ACADSB: variants seen among roughly 807,000 people sequenced by gnomAD.
ACADSB encodes acyl-CoA dehydrogenase short/branched chain, also known as short/branched chain specific acyl-CoA dehydrogenase, mitochondrial.
ACADSB carries 40 observed loss-of-function variants against 54.1 expected under a neutral mutation model. The ratio of observed to expected loss-of-function variants is 0.74; its 90% CI spans 0.57 to 0.96. The LOEUF (loss-of-function observed/expected upper bound fraction) is 0.96, where lower values mean the gene tolerates loss of function less well. Among genes scored for constraint, ACADSB ranks in the 40% least tolerant of loss-of-function variants. The pLI is 0.00. For missense variants in ACADSB, 530 were observed against 510.4 expected (o/e 1.04, Z -0.37); for synonymous variants, 182 against 182.8 (o/e 1.00, Z 0.03).
chr10:123,034,072 A>C (rs1850363406), intron 1 of ACADSB, among the ~76,000 whole-genome samples: 1 of 152,252 alleles, frequency 6.6e-6, no homozygotes, highest in Non-Finnish European at 1.5e-5. Context: ...GAAATGTGAA[A>C]TACATTGGAG....
Position 123,052,833 on chromosome 10 carries a change from A to G in ACADSB, c.1129-228A>G. 1 of 569,970 alleles carries G rather than the reference A, an allele frequency of 1.8e-6. No individual in the cohort carries two copies. Among genetic ancestry groups the G allele is most frequent in the Non-Finnish European group, 3.2e-6 (1 of 313,672 alleles). The allele number at this position is 569,970 out of a possible 1,614,324, so 35.3% of individuals were successfully genotyped here. A position where few individuals can be genotyped will look rare whatever the true frequency, so the allele number is the denominator to read the frequency against. On this transcript the variant is annotated intron_variant, in intron 9 of 10. Coordinates refer to ENST00000358776, the MANE Select transcript of ACADSB (RefSeq NM_001609.4). This position sits in a 1 kb window ranked among gnomAD's most constrained non-coding sequence, Gnocchi z 4.2. Reference sequence around the variant, plus strand: ...ATCTCTCAGCATGCAGATTCATGTGAACAATGCTCTAATTTCTTAAGAAAA... The same window carrying G: ...ATCTCTCAGCATGCAGATTCATGTGGACAATGCTCTAATTTCTTAAGAAAA...
rs148640214 is a variant in ACADSB at position 123,053,119 on chromosome 10, A to G, written c.1187A>G (p.Lys396Arg). The G allele has an allele frequency of 1.2e-6, 2 of 1,614,092 alleles. No individual in the cohort carries two copies. The highest frequency in any genetic ancestry group is 1.7e-6 in the Non-Finnish European group (2 of 1,179,962). Residue 396 changes from lysine to arginine, a missense_variant, in exon 10 of 11, where the codon AAA (lysine) becomes AGA (arginine). Lys to Arg is a conservative substitution (Grantham distance 26). Coordinates refer to ENST00000358776, the MANE Select transcript of ACADSB (RefSeq NM_001609.4). The stretch of plus-strand genomic sequence containing the variant: ...TGGATGGGGGGAGTAGGCTACACCA[A>G]AGATTACCCTGTGGAGAAATACTTC... ...IEWMGGVGYT[K>R]DYPVEKYFRD...
chr10:123,042,651 T>C (rs192041391), intron 5 of ACADSB, among the ~76,000 whole-genome samples: 3 of 152,064 alleles, frequency 2.0e-5, no homozygotes, highest in African/African-American at 7.2e-5. Flanking sequence ...TTTCACCATG[T>C]TGGCCAGGCT....
chr10:123,034,380 T>G lies in ACADSB; in HGVS notation c.67T>G (p.Leu23Val), dbSNP rs149562178. The change falls in exon 2 of 11, where the codon TTG (leucine) becomes GTG (valine). Residue 23 changes from leucine to valine, a missense_variant. Coordinates refer to ENST00000358776, the MANE Select transcript of ACADSB (RefSeq NM_001609.4). ...GCTAAGAAGAAATTTCCTGACTTGT[T>G]TGTCTTCTTGGAAGATTCCTCCTCA... is the stretch of plus-strand genomic sequence containing the variant. ...RLLRRNFLTC[L>V]SSWKIPPHVS... 8.2e-5 allele frequency: 133 copies of G among 1,613,920 alleles called. No homozygotes were observed. In the African/African-American group the frequency reaches 1.5e-3, roughly 18 times the overall value.
chr10:123,047,207 A>G lies in ACADSB; in HGVS notation c.901-2A>G. The G allele has an allele frequency of 6.3e-7, 1 of 1,599,812 alleles. No homozygotes were observed. Among genetic ancestry groups the G allele is most frequent in the Non-Finnish European group, 8.6e-7 (1 of 1,166,936 alleles). On this transcript the variant is annotated splice_acceptor_variant, in intron 7 of 10. Transcript: ENST00000358776. LOFTEE classifies it high-confidence loss of function. ...TCTGATCTTATTTTTTTGTTTTAACAGATGCTGGGACTGGCGCAAGGATGT... is the reference window on the plus strand; with the variant it reads ...TCTGATCTTATTTTTTTGTTTTAACGGATGCTGGGACTGGCGCAAGGATGT...
chr10:123,034,422 C>T lies in ACADSB; in HGVS notation c.109C>T (p.Gln37Ter). ...TCCTCCTCATGTCTCAAAATCTTCC[C>T]AGTCAGAAGCTCTACTCAATATAAC... ...KIPPHVSKSS[Q>*]SEALLNITNN... Residue 37 changes from glutamine (Q) to a stop codon, truncating the protein, a stop_gained, in exon 2 of 11, where the codon CAG becomes TAG. Coordinates refer to ENST00000358776, the MANE Select transcript of ACADSB (RefSeq NM_001609.4). LOFTEE classifies it high-confidence loss of function. 6.2e-7 allele frequency: 1 copy of T among 1,613,566 alleles called. No individual in the cohort carries two copies. Among genetic ancestry groups the T allele is most frequent in the Non-Finnish European group, 8.5e-7 (1 of 1,179,794 alleles).
rs1423599889 is a variant in ACADSB at position 123,044,397 on chromosome 10, C to T, written c.812C>T (p.Pro271Leu). The T allele has an allele frequency of 1.2e-6, 2 of 1,611,288 alleles. No individual in the cohort carries two copies. The highest frequency in any genetic ancestry group is 1.7e-5 in the Admixed American group (1 of 60,006). Residue 271 changes from proline to leucine, a missense_variant, in exon 7 of 11, where the codon CCA becomes CTA. By Grantham distance (98) the Pro-to-Leu change is moderately conservative. Transcript: ENST00000358776. The stretch of plus-strand genomic sequence containing the variant: ...AGTGCACATTTGTATTTTCAGGTTC[C>T]AGAAGCCAATATCTTGGGACAAATT... The part of the protein sequence containing the change: ...CPLTFENVKV[P>L]EANILGQIGH...
chr10:123,051,186 GGTAA>G lies in ACADSB; in HGVS notation c.1128+1_1128+4del. The stretch of plus-strand genomic sequence containing the variant: ...CAATGGCCAAATACTATGCATCAGA[GGTAA>G]AAAAAAAAAAAAAAAAAAAAAAGGA... On this transcript the variant is annotated splice_donor_variant and splice_donor_region_variant and intron_variant, in intron 9 of 10. Transcript: ENST00000358776. LOFTEE classifies it high-confidence loss of function. 4.7e-6 allele frequency: 4 copies of G among 855,408 alleles called. No homozygotes were observed. Among genetic ancestry groups the G allele is most frequent in the Non-Finnish European group, 6.1e-6 (4 of 655,080 alleles). 53.0% of individuals were successfully genotyped at this position (855,408 alleles called of 1,614,324 possible). A position where few individuals can be genotyped will look rare whatever the true frequency, so the allele number is the denominator to read the frequency against.
chr10:123,032,661 C>T (rs2133472563), intron 1 of ACADSB, among the ~76,000 whole-genome samples: 1 of 147,064 alleles, frequency 6.8e-6, no homozygotes, highest in South Asian at 2.1e-4. Context: ...GTAATCTAGG[C>T]TCACCGCAAC....
chr10:123,025,064 C>A (rs976829662), intron 1 of ACADSB, among the ~76,000 whole-genome samples: 1 of 152,080 alleles, frequency 6.6e-6, no homozygotes, highest in African/African-American at 2.4e-5. Context: ...CCACTGCCCT[C>A]ATGCCTGGGC....
rs760791287 is a variant in ACADSB at position 123,037,839 on chromosome 10, C to T, written c.295C>T (p.Gln99Ter). The change falls in exon 3 of 11, where the codon CAA becomes TAA. Residue 99 changes from glutamine (Q) to a stop codon, truncating the protein, a stop_gained. Transcript: ENST00000358776. LOFTEE classifies it high-confidence loss of function. ...GAAATCAGTAATACAAGGATTATTTCAACAAGGGGTACATTTCATAATTCT... is the reference window on the plus strand; with the variant it reads ...GAAATCAGTAATACAAGGATTATTTTAACAAGGGGTACATTTCATAATTCT... The part of the protein sequence containing the change: ...MEKSVIQGLF[Q>*]QGLMGIEVDP... 3.2e-6 allele frequency: 5 copies of T among 1,576,702 alleles called. No individual in the cohort carries two copies. In the South Asian group the frequency reaches 5.5e-5, roughly 17 times the overall value.
chr10:123,034,574 G>C, intron 2 of ACADSB, 59 bp downstream of exon 2: 1 of 1,566,392 alleles, frequency 6.4e-7, no homozygotes, highest in Non-Finnish European at 8.7e-7. Flanking sequence ...GGAGCATAGT[G>C]GTGCAATCAT....
At chr10:123,046,121 C>T (rs546095436) in intron 7 of ACADSB, among the ~76,000 whole-genome samples, 1 of 152,176 alleles carries the variant, frequency 6.6e-6, no homozygotes, top group South Asian at 2.1e-4. Context: ...GTGACATCAT[C>T]TTATCTCACA....
At chr10:123,047,360 G>A in intron 8 of ACADSB, 62 bp downstream of exon 8, 1 of 1,198,606 alleles carries the variant, frequency 8.3e-7, no homozygotes, top group Non-Finnish European at 1.2e-6. Context: ...TTAATGAAGG[G>A]CTGTGTTGAA....
rs992696195 is a variant in ACADSB, at chr10:123,055,812, C to G, written c.*2047C>G. ...AAATTTTAAACCTCCAAAATGATCACCTTTGACTCCACGTCTCACAATCAT... is the reference window on the plus strand; with the variant it reads ...AAATTTTAAACCTCCAAAATGATCAGCTTTGACTCCACGTCTCACAATCAT... On this transcript the variant is annotated 3_prime_UTR_variant, in exon 11 of 11. Coordinates refer to ENST00000358776, the MANE Select transcript of ACADSB (RefSeq NM_001609.4). The G allele has an allele frequency of 6.6e-6, 1 of 152,184 alleles. No individual in the cohort carries two copies. Among genetic ancestry groups the G allele is most frequent in the Non-Finnish European group, 1.5e-5 (1 of 68,060 alleles). 9.4% of individuals were successfully genotyped at this position (152,184 alleles called of 1,614,324 possible).
At chr10:123,011,976 G>A (rs753661750) in intron 1 of ACADSB, among the ~76,000 whole-genome samples, 1 of 151,854 alleles carries the variant, frequency 6.6e-6, no homozygotes, top group Non-Finnish European at 1.5e-5. Context: ...TCAGCTCCCC[G>A]GGAGCTAGGA....
chr10:123,032,580 ATTC>A (rs1850340513), intron 1 of ACADSB, among the ~76,000 whole-genome samples: 3 of 122,634 alleles, frequency 2.4e-5, no homozygotes, highest in Non-Finnish European at 5.2e-5. Context: ...TCCAATTTCC[ATTC>A]TTTTTTTTTT....
chr10:123,045,155 ATATATATATATATATATTTTTTTT>A (rs1248372169), intron 7 of ACADSB, among the ~76,000 whole-genome samples: 3 of 11,060 alleles, frequency 2.7e-4, no homozygotes, highest in Admixed American at 8.3e-4. Flanking sequence ...ATATATATAT[ATATATATATATATATATTTTTTTT>A]TTTTTTTTTT....
In ACADSB at chr10:123,055,543, C is replaced by T. The variant is rs1368174689; in HGVS notation, c.*1778C>T. The T allele has an allele frequency of 3.3e-5, 5 of 152,216 alleles. No individual in the cohort carries two copies. Among genetic ancestry groups the T allele is most frequent in the Non-Finnish European group, 5.9e-5 (4 of 68,070 alleles). The allele number at this position is 152,216 out of a possible 1,614,324, so 9.4% of individuals were successfully genotyped here. On this transcript the variant is annotated 3_prime_UTR_variant, in exon 11 of 11. Coordinates refer to ENST00000358776, the MANE Select transcript of ACADSB (RefSeq NM_001609.4). ...CATTTCAAAACCAATCATGCCTTCC[C>T]AACAGTCCCCCAAAGTCTTAACTCA... is the stretch of plus-strand genomic sequence containing the variant.
Sources: gnomAD v4.1 joint callset for allele counts (sites outside exome capture counted in the v4.1 genomes callset) on GRCh38, gnomAD v4.1.1 for gene constraint, Gnocchi (gnomAD v3.1) non-coding constraint, MANE v1.5 for transcripts, NCBI Gene and HGNC (gene_info 2026-07-23, HGNC 2026-07-21) for gene names.